Variants in HGSNAT observed in about 807,000 individuals in gnomAD.
HGSNAT encodes heparan-alpha-glucosaminide N-acetyltransferase.
Under a neutral mutation model 85.2 loss-of-function variants are expected in HGSNAT, and 59 were observed. The ratio of observed to expected loss-of-function variants is 0.69; its 90% CI spans 0.56 to 0.86. The LOEUF (loss-of-function observed/expected upper bound fraction) is 0.86, where lower values mean the gene tolerates loss of function less well. Among genes scored for constraint, HGSNAT ranks in the 40% least tolerant of loss-of-function variants. HGSNAT has a pLI of 0.00. For synonymous variants in HGSNAT, 321 were observed against 304.5 expected (o/e 1.05, Z -0.56); for missense variants, 756 against 777.1 (o/e 0.97, Z 0.32).
chr8:43,140,843 C>A (rs1363072345), intron 1 of HGSNAT, among the ~76,000 whole-genome samples: 4 of 152,084 alleles, frequency 2.6e-5, no homozygotes, highest in African/African-American at 4.8e-5. Flanking sequence ...CGGTTCGGAC[C>A]GCGGCGGAGT....
intron 6 of HGSNAT, 87 bp from the exon 7 acceptor site, chr8:43,170,498 A>G (rs1378461142): frequency 8.3e-7 from 1 of 1,208,066 alleles, no homozygotes; most frequent in Non-Finnish European, 1.2e-6. Context: ...AAACAAAACA[A>G]AACAAAACAA....
At chr8:43,196,313 A>G (rs1804725320) in intron 14 of HGSNAT, 1 of 398,370 alleles carries the variant, frequency 2.5e-6, no homozygotes, top group Non-Finnish European at 4.7e-6. Context: ...GTTTTCAAAA[A>G]TGAATACCTA....
intron 5 of HGSNAT, among the ~76,000 whole-genome samples, chr8:43,164,697 C>T (rs1268240892): frequency 6.6e-6 from 1 of 152,156 alleles, no homozygotes; most frequent in Non-Finnish European, 1.5e-5. Flanking sequence ...AGGAGAATTG[C>T]TGGAACCCAG....
At chr8:43,194,966 A>G (rs1019899026) in intron 14 of HGSNAT, among the ~76,000 whole-genome samples, 2 of 152,104 alleles carry the variant, frequency 1.3e-5, no homozygotes, top group African/African-American at 4.8e-5. Context: ...TCAGAAGCCA[A>G]CAAAAAATTT....
Position 43,150,600 on chromosome 8 carries a change from A to G in HGSNAT, c.234+3537A>G, listed in dbSNP as rs567466273. Among the ~76,000 whole-genome samples the G allele has an allele frequency of 1.7e-3, 262 of 152,218 alleles. 1 individual carries two copies. Among genetic ancestry groups the G allele is most frequent in the South Asian group, 0.012 (57 of 4,826 alleles). On this transcript the variant is annotated intron_variant, in intron 2 of 17. Transcript: ENST00000379644. Reference sequence around the variant, plus strand: ...TGTAATCCCAGCACTCTGGGAGGCCAAGGTGGGCGGATCACAAGGTCAGGA... The same window carrying G: ...TGTAATCCCAGCACTCTGGGAGGCCGAGGTGGGCGGATCACAAGGTCAGGA...
intron 9 of HGSNAT, among the ~76,000 whole-genome samples, chr8:43,176,464 T>C (rs1432359696): frequency 6.6e-6 from 1 of 152,218 alleles, no homozygotes; most frequent in East Asian, 1.9e-4. Context: ...GTGGTATAAT[T>C]TAAAGTCAGG....
chr8:43,201,547 AC>A lies in HGSNAT; in HGVS notation c.*1983del, dbSNP rs912251800. The A allele has an allele frequency of 1.3e-5, 2 of 152,212 alleles. No homozygotes were observed. The highest frequency in any genetic ancestry group is 4.8e-5 in the African/African-American group (2 of 41,524). The allele number at this position is 152,212 out of a possible 1,614,324, so 9.4% of individuals were successfully genotyped here. On this transcript the variant is annotated 3_prime_UTR_variant, in exon 18 of 18. Transcript: ENST00000379644. The surrounding 1 kb of genome is among the most constrained non-coding windows in gnomAD (Gnocchi z 4.4). The stretch of plus-strand genomic sequence containing the variant: ...TCTACATTTGATCTGTCATGTTTAA[AC>A]CCCCTACTTCTAAGGGAACTTCTCT...
chr8:43,178,614 T>TA (rs1201123966), intron 10 of HGSNAT, among the ~76,000 whole-genome samples: 3 of 144,886 alleles, frequency 2.1e-5, no homozygotes, highest in African/African-American at 8.1e-5. Context: ...TTTTTTTTTT[T>TA]AAATTTATTT....
chr8:43,183,559 C>G (rs1804207597), intron 11 of HGSNAT, among the ~76,000 whole-genome samples: 1 of 151,880 alleles, frequency 6.6e-6, no homozygotes, highest in Admixed American at 6.6e-5. Context: ...CAAACTCCGC[C>G]TCCTGGGTTC....
At chr8:43,175,475 A>G (rs1409685479) in intron 9 of HGSNAT, among the ~76,000 whole-genome samples, 1 of 151,288 alleles carries the variant, frequency 6.6e-6, no homozygotes, top group African/African-American at 2.4e-5. Context: ...CTGATGATCA[A>G]TGATGTTGAG....
intron 13 of HGSNAT, among the ~76,000 whole-genome samples, chr8:43,193,090 A>C (rs1405378227): frequency 6.6e-6 from 1 of 152,162 alleles, no homozygotes; most frequent in Non-Finnish European, 1.5e-5. Flanking sequence ...ATGGTGCGGA[A>C]GGCCCCCTGC....
intron 13 of HGSNAT, 71 bp downstream of exon 13, chr8:43,192,501 A>AT: frequency 6.7e-7 from 1 of 1,499,492 alleles, no homozygotes; most frequent in South Asian, 1.3e-5. Context: ...AGAAAGAGCC[A>AT]GCAAACGTTA....
At chr8:43,195,985 A>G (rs1478451875) in intron 14 of HGSNAT, 2 of 164,126 alleles carry the variant, frequency 1.2e-5, no homozygotes, top group Non-Finnish European at 2.7e-5. Context: ...GTGCTTTTCC[A>G]TATATTCCGT....
At chr8:43,179,743 G>T (rs1268485630) in intron 10 of HGSNAT, among the ~76,000 whole-genome samples, 3 of 22,462 alleles carry the variant, frequency 1.3e-4, no homozygotes, top group African/African-American at 2.1e-4. Context: ...GGGCGGGGCG[G>T]CTGGCCGGGC....
intron 8 of HGSNAT, among the ~76,000 whole-genome samples, chr8:43,172,642 G>T (rs959202881): frequency 1.3e-5 from 2 of 152,180 alleles, no homozygotes; most frequent in African/African-American, 4.8e-5. Context: ...TCTGCTGTGG[G>T]ACTGAGGGAC....
chr8:43,173,207 C>T (rs968027551), intron 8 of HGSNAT, among the ~76,000 whole-genome samples: 22 of 152,148 alleles, frequency 1.4e-4, no homozygotes, highest in African/African-American at 5.3e-4. Flanking sequence ...CCAGGCTGGT[C>T]TCAAACTCCT....
intron 15 of HGSNAT, chr8:43,197,383 T>TG (rs1243461351): frequency 1.1e-5 from 6 of 538,666 alleles, no homozygotes; most frequent in Non-Finnish European, 2.0e-5. Context: ...CAAGGTTGAC[T>TG]GTTTGTTCAT....
chr8:43,160,591 T>C (rs180988891), intron 4 of HGSNAT, among the ~76,000 whole-genome samples: 188 of 152,364 alleles, frequency 1.2e-3, no homozygotes, highest in African/African-American at 4.4e-3. Context: ...TATCCTTCAC[T>C]TAGCTTCCCC....
chr8:43,165,044 ATTTTTTTTTTT>A (rs1175997527), intron 5 of HGSNAT, among the ~76,000 whole-genome samples: 2 of 72,058 alleles, frequency 2.8e-5, no homozygotes, highest in East Asian at 4.3e-4. Context: ...CACCATGATA[ATTTTTTTTTTT>A]TTTTTTTTTT....
Sources: allele counts gnomAD v4.1 joint callset (sites outside exome capture counted in the v4.1 genomes callset), GRCh38; gene constraint gnomAD v4.1.1; non-coding constraint Gnocchi (gnomAD v3.1); transcripts MANE v1.5; gene names NCBI Gene and HGNC (gene_info 2026-07-23, HGNC 2026-07-21).